The following HDHD2 variants were observed in gnomAD, a reference collection of about 807,000 sequenced individuals.
The protein encoded by HDHD2 is haloacid dehalogenase like hydrolase domain containing 2, also known as haloacid dehalogenase-like hydrolase domain-containing protein 2.
HDHD2 carries 26 observed loss-of-function variants against 24.8 expected under a neutral mutation model. That is an observed-to-expected ratio of 1.05 (90% CI 0.77 to 1.45). The LOEUF (loss-of-function observed/expected upper bound fraction) is 1.45, where lower values mean the gene tolerates loss of function less well. Among genes scored for constraint, HDHD2 ranks in the 40% most tolerant of loss-of-function variants. The probability of loss-of-function intolerance (pLI) is 0.00; values close to 1 mark genes in which losing one functional copy is unlikely to be tolerated. For synonymous variants in HDHD2, 128 were observed against 114.9 expected, an observed-to-expected ratio of 1.11 and a Z score of -0.73; for missense variants, 299 against 313.4, an observed-to-expected ratio of 0.95 and a Z score of 0.35.
intron 6 of HDHD2, chr18:47,110,365 C>T (rs1445049258): frequency 5.1e-6 from 5 of 985,380 alleles, no homozygotes; most frequent in South Asian, 4.7e-5. Flanking sequence ...GCATGGTCCC[C>T]GCAGCAAGCT....
intron 4 of HDHD2, among the ~76,000 whole-genome samples, chr18:47,123,890 A>G (rs913907563): frequency 5.9e-5 from 9 of 152,212 alleles, no homozygotes; most frequent in African/African-American, 2.4e-5. Context: ...GTGGAAATCC[A>G]AAGGAGGTAG....
At chr18:47,118,095 C>A (rs559797984) in intron 4 of HDHD2, among the ~76,000 whole-genome samples, 1 of 151,930 alleles carries the variant, frequency 6.6e-6, no homozygotes, top group Non-Finnish European at 1.5e-5. Context: ...GGTGAATAAA[C>A]AAAGTGTAAA....
intron 1 of HDHD2, among the ~76,000 whole-genome samples, chr18:47,142,755 C>T (rs2063831427): frequency 6.6e-6 from 1 of 152,064 alleles, no homozygotes; most frequent in Non-Finnish European, 1.5e-5. Context: ...TCTCGAACCA[C>T]CCCTCACCCC....
intron 1 of HDHD2, among the ~76,000 whole-genome samples, chr18:47,144,732 C>G (rs546311950): frequency 1.4e-4 from 20 of 143,684 alleles, no homozygotes; most frequent in African/African-American, 5.2e-4. Flanking sequence ...CTCAGGAGTT[C>G]AAGGCCACAA....
chr18:47,139,359 G>A (rs1255880436), intron 1 of HDHD2, among the ~76,000 whole-genome samples: 1 of 150,432 alleles, frequency 6.6e-6, no homozygotes, highest in Non-Finnish European at 1.5e-5. Flanking sequence ...CAGCTACTCA[G>A]GAGGCTGAGG....
chr18:47,127,230 T>C (rs779645188), intron 4 of HDHD2, among the ~76,000 whole-genome samples: 12 of 152,018 alleles, frequency 7.9e-5, no homozygotes, highest in Non-Finnish European at 1.6e-4. Context: ...CTTCTTAAAA[T>C]AGAGTATATT....
intron 6 of HDHD2, chr18:47,110,441 TG>T: frequency 1.0e-6 from 1 of 985,258 alleles, no homozygotes; most frequent in Non-Finnish European, 1.2e-6. Flanking sequence ...GGTTTCTATT[TG>T]ATCTTACAGG....
chr18:47,128,406 A>G (rs1296381488), intron 4 of HDHD2, among the ~76,000 whole-genome samples: 1 of 152,244 alleles, frequency 6.6e-6, no homozygotes, highest in Non-Finnish European at 1.5e-5. Context: ...AAAAAATAAT[A>G]GCAGATTCCG....
intron 1 of HDHD2, among the ~76,000 whole-genome samples, chr18:47,137,771 G>A (rs954691637): frequency 7.3e-5 from 11 of 151,582 alleles, no homozygotes; most frequent in African/African-American, 1.9e-4. Context: ...TAGCTGTTAC[G>A]TATAGGGCAA....
At chr18:47,137,139 G>A in intron 1 of HDHD2, 7 of 726,544 alleles carry the variant, frequency 9.6e-6, no homozygotes, top group Non-Finnish European at 1.8e-5. Flanking sequence ...ACACCACTTG[G>A]TAAACTAATG....
intron 6 of HDHD2, chr18:47,111,476 C>T: frequency 1.0e-6 from 1 of 984,760 alleles, no homozygotes; most frequent in Non-Finnish European, 1.2e-6. Context: ...AATAAAACAG[C>T]AAAAGGCAGG....
intron 4 of HDHD2, among the ~76,000 whole-genome samples, chr18:47,123,683 A>G (rs2063628857): frequency 1.3e-5 from 2 of 152,208 alleles, no homozygotes; most frequent in South Asian, 4.1e-4. Flanking sequence ...TCTAAAAACT[A>G]TAAAACACTG....
At chr18:47,136,879 C>T (rs1346980268) in intron 1 of HDHD2, 2 of 402,330 alleles carry the variant, frequency 5.0e-6, no homozygotes, top group Non-Finnish European at 9.0e-6. Flanking sequence ...TCTCATCGCC[C>T]TTCTTTGCTG....
At chr18:47,112,766 A>C (rs901632896) in intron 6 of HDHD2, among the ~76,000 whole-genome samples, 1 of 152,196 alleles carries the variant, frequency 6.6e-6, no homozygotes, top group Non-Finnish European at 1.5e-5. Flanking sequence ...GGAAAGTACT[A>C]AAGTACCTCT....
chr18:47,107,549 C>G lies in HDHD2; in HGVS notation c.*1133G>C, dbSNP rs1205869234. ...CACTACAATGATGTACAATTACATC[C>G]TAATAATTCAATGCCCAAGAGCCCT... is the stretch of plus-strand genomic sequence containing the variant. On this transcript the variant is annotated 3_prime_UTR_variant, in exon 7 of 7. Transcript: ENST00000300605. 6.6e-6 allele frequency: 1 copy of G among 152,570 alleles called. No homozygotes were observed. The highest frequency in any genetic ancestry group is 1.5e-5 in the Non-Finnish European group (1 of 68,032). 9.5% of individuals were successfully genotyped at this position (152,570 alleles called of 1,614,324 possible). A position where few individuals can be genotyped will look rare whatever the true frequency, so the allele number is the denominator to read the frequency against.
At chr18:47,115,040 C>T (rs2063546518) in intron 5 of HDHD2, 92 bp downstream of exon 5, 1 of 853,282 alleles carries the variant, frequency 1.2e-6, no homozygotes, top group South Asian at 1.5e-5. Context: ...TTGTCAGTAA[C>T]AGAATGTCCC....
chr18:47,149,253 T>C (rs924667150), intron 1 of HDHD2: 4 of 152,220 alleles, frequency 2.6e-5, no homozygotes, highest in Admixed American at 6.5e-5. Flanking sequence ...TGGCATATTA[T>C]TCAAAACTTG....
At chr18:47,113,112 T>G in intron 5 of HDHD2, 72 bp from the exon 6 acceptor site, 1 of 1,278,952 alleles carries the variant, frequency 7.8e-7, no homozygotes, top group South Asian at 1.2e-5. Flanking sequence ...ACCAACTGAT[T>G]TATTAGGCTA....
Position 47,133,925 on chromosome 18 carries a change from T to C in HDHD2, c.310+571A>G, listed in dbSNP as rs964930968. 5.3e-5 allele frequency among the ~76,000 whole-genome samples: 8 copies of C among 152,194 alleles called. No homozygotes were observed. The East Asian group carries it at 5.8e-4, about 11-fold the overall frequency. On this transcript the variant is annotated intron_variant, in intron 3 of 6. Coordinates refer to ENST00000300605, the MANE Select transcript of HDHD2 (RefSeq NM_032124.5). ...CAAAAATTTTCTCCCATTCTGTAGG[T>C]TGCCTGTTCACTCTGATGGTAGTTT...
Sources: allele counts gnomAD v4.1 joint callset (sites outside exome capture counted in the v4.1 genomes callset), GRCh38; gene constraint gnomAD v4.1.1; transcripts MANE v1.5; gene names NCBI Gene and HGNC (gene_info 2026-07-23, HGNC 2026-07-21).